The following RIC3 variants were observed in gnomAD, a reference collection of about 807,000 sequenced individuals.
The protein encoded by RIC3 is RIC3 acetylcholine receptor chaperone.
RIC3 carries 28 observed loss-of-function variants against 27.3 expected under a neutral mutation model. The observed-to-expected ratio is 1.02, with a 90% CI of 0.76 to 1.41. RIC3 has a LOEUF of 1.41. Among genes scored for constraint, RIC3 ranks in the 40% most tolerant of loss-of-function variants. The probability of loss-of-function intolerance (pLI) is 0.00; values close to 1 mark genes in which losing one functional copy is unlikely to be tolerated. For synonymous variants in RIC3, 184 were observed against 160.4 expected (o/e 1.15, Z -1.11); for missense variants, 501 against 444.7 (o/e 1.13, Z -1.14).
At chr11:8,156,839 G>T (rs1950699003) in intron 1 of RIC3, among the ~76,000 whole-genome samples, 1 of 152,010 alleles carries the variant, frequency 6.6e-6, no homozygotes, top group African/African-American at 2.4e-5. Context: ...TACCACACTT[G>T]GCCTTAATCA....
At chr11:8,114,155 C>G (rs1367589065) in intron 5 of RIC3, among the ~76,000 whole-genome samples, 1 of 152,158 alleles carries the variant, frequency 6.6e-6, no homozygotes, top group Non-Finnish European at 1.5e-5. Context: ...AATGGCTTTT[C>G]CGGACAAAGC....
chr11:8,162,632 T>TG (rs1358806228), intron 1 of RIC3, among the ~76,000 whole-genome samples: 13 of 116,610 alleles, frequency 1.1e-4, no homozygotes, highest in African/African-American at 4.5e-4. Context: ...GCTTCTTCTT[T>TG]TTTTTTTTTT....
chr11:8,137,261 T>C (rs1948528465), intron 4 of RIC3, 117 bp downstream of exon 4: 1 of 785,530 alleles, frequency 1.3e-6, no homozygotes, highest in Non-Finnish European at 2.1e-6. Context: ...TGACCTCAGA[T>C]GATCCACCCA....
At chr11:8,148,155 A>G (rs1949900100) in intron 1 of RIC3, among the ~76,000 whole-genome samples, 1 of 152,180 alleles carries the variant, frequency 6.6e-6, no homozygotes, top group Admixed American at 6.5e-5. Flanking sequence ...CACTCCAGTG[A>G]TACTCCTTTT....
intron 5 of RIC3, among the ~76,000 whole-genome samples, chr11:8,121,050 A>AT (rs1441935034): frequency 1.3e-5 from 2 of 152,218 alleles, no homozygotes; most frequent in African/African-American, 4.8e-5. Flanking sequence ...ATGATGCTAT[A>AT]TATGAGACAG....
intron 1 of RIC3, among the ~76,000 whole-genome samples, chr11:8,154,779 A>AG (rs1950529119): frequency 6.6e-6 from 1 of 152,264 alleles, no homozygotes. Flanking sequence ...TATTAAAAAC[A>AG]GCTAAAGAGA....
chr11:8,158,157 T>C (rs570256254), intron 1 of RIC3, among the ~76,000 whole-genome samples: 137 of 152,286 alleles, frequency 9.0e-4, no homozygotes, highest in Non-Finnish European at 1.6e-3. Context: ...TATGTGTATA[T>C]GTTTGTATGT....
rs79545167 is a variant in RIC3 at position 8,168,817 on chromosome 11, C to T, written c.124+49G>A. 13,510 of 1,582,374 alleles carry T rather than the reference C, an allele frequency of 8.5e-3. 108 individuals carry two copies. The highest frequency in any genetic ancestry group is 9.0e-3 in the Non-Finnish European group (10,430 of 1,164,014). On this transcript the variant is annotated intron_variant, in intron 1 of 5. Coordinates refer to ENST00000309737, the MANE Select transcript of RIC3 (RefSeq NM_001206671.4). ...TCACCCCTCCCTCAAGCAGCGTTCT[C>T]CGTACTCTTCGGCGCCGGGAAGCTC...
chr11:8,103,549 C>T (rs995286687), downstream of RIC3: 9 of 152,582 alleles, frequency 5.9e-5, no homozygotes, highest in African/African-American at 2.2e-4. Context: ...CAGGATCTGC[C>T]CACACCTCGG....
the RIC3 span, chr11:8,097,740 AAAG>A: frequency 6.2e-7 from 1 of 1,614,090 alleles, no homozygotes; most frequent in South Asian, 1.1e-5. Flanking sequence ...GAAGGAAGAG[AAAG>A]AAGAGTAAAA....
At chr11:8,095,161 C>T in the RIC3 span, among the ~76,000 whole-genome samples, 3 of 152,306 alleles carry the variant, frequency 2.0e-5, no homozygotes, top group African/African-American at 7.2e-5. Flanking sequence ...CTGGCCTTGC[C>T]TATGGTCTGG....
chr11:8,162,593 A>T (rs1334548285), intron 1 of RIC3, among the ~76,000 whole-genome samples: 1 of 147,188 alleles, frequency 6.8e-6, no homozygotes, highest in African/African-American at 2.5e-5. Context: ...GTCTTCTCTC[A>T]CAACTCTGAG....
chr11:8,145,191 T>TA (rs1043100390), intron 1 of RIC3, among the ~76,000 whole-genome samples: 12 of 109,040 alleles, frequency 1.1e-4, no homozygotes, highest in South Asian at 3.0e-4. Flanking sequence ...AAAAAAAAAT[T>TA]AAAAAAAAAT....
chr11:8,159,768 ATCATCTGAGG>A (rs1158103132), intron 1 of RIC3, among the ~76,000 whole-genome samples: 1 of 152,184 alleles, frequency 6.6e-6, no homozygotes, highest in African/African-American at 2.4e-5. Context: ...AGGCAGGCAG[ATCATCTGAGG>A]TCAAGGGTTC....
rs1261950847 is a variant in RIC3 at position 8,163,653 on chromosome 11, G to GACTTTCACACTAAAAACTAC, written c.124+5193_124+5212dup. On this transcript the variant is annotated intron_variant, in intron 1 of 5. Transcript: ENST00000309737. ...CTTATGAATATATTTAACAAAATAA[G>GACTTTCACACTAAAAACTAC]ACTTTCACACTAAAAACTACAATCT... Among the ~76,000 whole-genome samples the GACTTTCACACTAAAAACTAC allele has an allele frequency of 2.7e-4, 41 of 152,066 alleles. No homozygotes were observed. In the Middle Eastern group the frequency reaches 0.021, roughly 76 times the overall value.
intron 3 of RIC3, among the ~76,000 whole-genome samples, chr11:8,137,824 G>C (rs1046401865): frequency 1.3e-5 from 2 of 152,120 alleles, no homozygotes; most frequent in Non-Finnish European, 2.9e-5. Context: ...AATTCTTGAG[G>C]AAAGAGCCAT....
chr11:8,167,099 C>T (rs1951759167), intron 1 of RIC3, among the ~76,000 whole-genome samples: 1 of 152,148 alleles, frequency 6.6e-6, no homozygotes, highest in Non-Finnish European at 1.5e-5. Flanking sequence ...ACTTCAGTAG[C>T]TTCTCCTTGT....
intron 1 of RIC3, among the ~76,000 whole-genome samples, chr11:8,157,093 A>G (rs1352577096): frequency 1.3e-5 from 2 of 152,120 alleles, no homozygotes; most frequent in East Asian, 1.9e-4. Flanking sequence ...CACATAAGCT[A>G]TTTCAGAACA....
chr11:8,105,413 T>TTGAG (rs1470222558), downstream of RIC3: 2 of 152,192 alleles, frequency 1.3e-5, no homozygotes, highest in Admixed American at 6.6e-5. Context: ...AGGCTCTTGT[T>TTGAG]TGAGTTTATG....
Sources: gnomAD v4.1 joint callset for allele counts (sites outside exome capture counted in the v4.1 genomes callset) on GRCh38, gnomAD v4.1.1 for gene constraint, MANE v1.5 for transcripts, NCBI Gene and HGNC (gene_info 2026-07-23, HGNC 2026-07-21) for gene names.